The following MINDY2 variants were observed in gnomAD, a reference collection of about 807,000 sequenced individuals.
MINDY2 encodes ubiquitin carboxyl-terminal hydrolase MINDY-2.
Under a neutral mutation model 68.2 loss-of-function variants are expected in MINDY2, and 52 were observed. The ratio of observed to expected loss-of-function variants is 0.76; its 90% CI spans 0.61 to 0.96. The LOEUF is 0.96. Among genes scored for constraint, MINDY2 ranks in the 40% least tolerant of loss-of-function variants. The pLI, the probability that MINDY2 is intolerant of heterozygous loss-of-function variation, is 0.00. For missense variants in MINDY2, 881 were observed against 773.4 expected (o/e 1.14, Z -1.65); for synonymous variants, 372 against 303.0 (o/e 1.23, Z -2.36).
chr15:58,781,540 T>C (rs1901140746), intron 1 of MINDY2, among the ~76,000 whole-genome samples: 1 of 152,202 alleles, frequency 6.6e-6, no homozygotes, highest in Non-Finnish European at 1.5e-5. Flanking sequence ...TGATAAAAAC[T>C]GATGAAAGTG....
chr15:58,840,735 C>T (rs546193546), intron 6 of MINDY2, among the ~76,000 whole-genome samples: 16 of 149,276 alleles, frequency 1.1e-4, no homozygotes, highest in East Asian at 7.8e-4. Context: ...CGGCTCAGTG[C>T]AAGCTCCGCC....
chr15:58,851,674 C>G (rs2032819072), intron 7 of MINDY2, 97 bp from the exon 8 acceptor site: 2 of 944,684 alleles, frequency 2.1e-6, no homozygotes, highest in Admixed American at 3.3e-5. Context: ...TTTTAATAGC[C>G]ATTCTTACAG....
intron 8 of MINDY2, 47 bp from the exon 9 acceptor site, chr15:58,854,435 C>G (rs576559432): frequency 1.9e-6 from 3 of 1,572,426 alleles, no homozygotes; most frequent in African/African-American, 2.7e-5. Flanking sequence ...ATGAGTAAGT[C>G]CCTCAGAATA....
In MINDY2 at chr15:58,857,597, G is replaced by A. The variant is rs1246222784; in HGVS notation, c.*2987G>A. The A allele has an allele frequency of 6.7e-6, 1 of 149,258 alleles. No individual in the cohort carries two copies. Among genetic ancestry groups the A allele is most frequent in the Non-Finnish European group, 1.5e-5 (1 of 67,812 alleles). The allele number at this position is 149,258 out of a possible 1,614,324, so 9.2% of individuals were successfully genotyped here. Reference sequence around the variant, plus strand: ...TTTATTTTCTTAAATTTTGCCCAAGGTAACGTTATATATCCCACCACTTCA... The same window carrying A: ...TTTATTTTCTTAAATTTTGCCCAAGATAACGTTATATATCCCACCACTTCA... On this transcript the variant is annotated 3_prime_UTR_variant, in exon 9 of 9. Transcript: ENST00000559228.
At chr15:58,841,591 G>A (rs62002457) in intron 6 of MINDY2, among the ~76,000 whole-genome samples, 1 of 151,766 alleles carries the variant, frequency 6.6e-6, no homozygotes, top group African/African-American at 2.4e-5. Flanking sequence ...TTTTAGTAGA[G>A]ACACAGTTTC....
chr15:58,790,890 A>C (rs1317166525), intron 2 of MINDY2, among the ~76,000 whole-genome samples: 1 of 151,946 alleles, frequency 6.6e-6, no homozygotes, highest in Non-Finnish European at 1.5e-5. Flanking sequence ...ATCAAAATGG[A>C]GCGATCAGGC....
At chr15:58,801,869 C>T (rs1902686439) in intron 2 of MINDY2, among the ~76,000 whole-genome samples, 1 of 152,316 alleles carries the variant, frequency 6.6e-6, no homozygotes, top group Admixed American at 6.5e-5. Context: ...CCACCCACCT[C>T]AGCCTCCCAA....
At position 58,824,301 on chromosome 15, in the gene MINDY2, ATG is replaced by A. The variant is rs1345608689; in HGVS notation, c.1225+2486_1225+2487del. Among the ~76,000 whole-genome samples the A allele has an allele frequency of 5.6e-4, 85 of 152,168 alleles. 1 individual carries two copies. Among genetic ancestry groups the A allele is most frequent in the Non-Finnish European group, 2.1e-4 (14 of 68,034 alleles). ...GATAATGAAAAACTATAGTTAATAT[ATG>A]TGTTATTGATAATTTAGGAAGAACA... On this transcript the variant is annotated intron_variant, in intron 5 of 8. Coordinates refer to ENST00000559228, the MANE Select transcript of MINDY2 (RefSeq NM_001040450.3).
chr15:58,843,581 T>C (rs1371503832), intron 6 of MINDY2, among the ~76,000 whole-genome samples: 1 of 152,144 alleles, frequency 6.6e-6, no homozygotes, highest in African/African-American at 2.4e-5. Flanking sequence ...CGTAAATTAA[T>C]TCTACATGGA....
intron 7 of MINDY2, among the ~76,000 whole-genome samples, chr15:58,850,979 TTG>T (rs1428654359): frequency 6.6e-6 from 1 of 152,086 alleles, no homozygotes; most frequent in Non-Finnish European, 1.5e-5. Flanking sequence ...CCCCAATTTT[TTG>T]TTTTTTTTTC....
At chr15:58,794,613 G>A (rs1001589099) in intron 2 of MINDY2, among the ~76,000 whole-genome samples, 5 of 152,082 alleles carry the variant, frequency 3.3e-5, no homozygotes, top group African/African-American at 1.2e-4. Flanking sequence ...TAAAACTGAG[G>A]AGTTTAGGGA....
At chr15:58,776,666 C>A (rs535134718) in intron 1 of MINDY2, among the ~76,000 whole-genome samples, 1 of 152,012 alleles carries the variant, frequency 6.6e-6, no homozygotes, top group Non-Finnish European at 1.5e-5. Context: ...GAACAACAAC[C>A]GTATTTTCTG....
chr15:58,789,976 A>G (rs1252514717), intron 2 of MINDY2, among the ~76,000 whole-genome samples: 2 of 149,942 alleles, frequency 1.3e-5, no homozygotes, highest in Non-Finnish European at 3.0e-5. Context: ...ATTGGGTTTC[A>G]CTGTGTTTCC....
chr15:58,822,496 T>C (rs2031127896), intron 5 of MINDY2, among the ~76,000 whole-genome samples: 1 of 152,158 alleles, frequency 6.6e-6, no homozygotes, highest in Non-Finnish European at 1.5e-5. Flanking sequence ...TTCAACTGAC[T>C]GAGATGAGTA....
At chr15:58,778,436 T>C (rs559904910) in intron 1 of MINDY2, among the ~76,000 whole-genome samples, 1 of 151,878 alleles carries the variant, frequency 6.6e-6, no homozygotes, top group African/African-American at 2.4e-5. Context: ...TTTTTTTATA[T>C]AAAGTTGGTT....
intron 2 of MINDY2, among the ~76,000 whole-genome samples, chr15:58,793,992 G>T (rs1340570719): frequency 6.6e-6 from 1 of 152,138 alleles, no homozygotes; most frequent in East Asian, 1.9e-4. Context: ...CACGAGTCCA[G>T]GCCTGAATAA....
At chr15:58,853,937 A>G (rs993845068) in intron 8 of MINDY2, among the ~76,000 whole-genome samples, 5 of 151,954 alleles carry the variant, frequency 3.3e-5, no homozygotes, top group Non-Finnish European at 7.4e-5. Context: ...CTTTTAACAA[A>G]TGTGTCTTCA....
chr15:58,828,228 G>A (rs2031520674), intron 5 of MINDY2, among the ~76,000 whole-genome samples: 1 of 151,374 alleles, frequency 6.6e-6, no homozygotes, highest in South Asian at 2.1e-4. Context: ...AAAATAAATT[G>A]TTTTGCCCAT....
rs747279792 is a variant in MINDY2 at position 58,851,751 on chromosome 15, G to C, written c.1543-20G>C. On this transcript the variant is annotated intron_variant, in intron 7 of 8. Coordinates refer to ENST00000559228, the MANE Select transcript of MINDY2 (RefSeq NM_001040450.3). ...GGGTAAAATCTCATAGCTAATGATG[G>C]TTATAATTTAATTTATTAGGATTAT... 9.8e-6 allele frequency: 15 copies of C among 1,525,516 alleles called. No individual in the cohort carries two copies. The highest frequency in any genetic ancestry group is 3.8e-5 in the South Asian group (3 of 78,086). 94.5% of individuals were successfully genotyped at this position (1,525,516 alleles called of 1,614,324 possible).
Sources: gnomAD v4.1 joint callset for allele counts (sites outside exome capture counted in the v4.1 genomes callset) on GRCh38, gnomAD v4.1.1 for gene constraint, MANE v1.5 for transcripts, NCBI Gene and HGNC (gene_info 2026-07-23, HGNC 2026-07-21) for gene names.